The following PLEKHA6 variants were observed in gnomAD, a reference collection of about 807,000 sequenced individuals.
The protein encoded by PLEKHA6 is pleckstrin homology domain containing A6.
PLEKHA6 carries 60 observed loss-of-function variants against 116.7 expected under a neutral mutation model. That is an observed-to-expected ratio of 0.51 (90% CI 0.42 to 0.64). The LOEUF (loss-of-function observed/expected upper bound fraction) is 0.64, where lower values mean the gene tolerates loss of function less well. PLEKHA6 is among the 30% of genes least tolerant of loss of function. The pLI is 0.00. For missense variants in PLEKHA6, 1,338 were observed against 1,422.7 expected, an observed-to-expected ratio of 0.94 and a Z score of 0.96; for synonymous variants, 489 against 556.1, an observed-to-expected ratio of 0.88 and a Z score of 1.70.
intron 1 of PLEKHA6, among the ~76,000 whole-genome samples, chr1:204,291,607 A>T (rs1669760884): frequency 6.6e-6 from 1 of 152,272 alleles, no homozygotes; most frequent in Admixed American, 6.5e-5. Context: ...GAAATGAATT[A>T]TTGAAATATG....
At position 204,228,990 on chromosome 1, in the gene PLEKHA6, GC is replaced by G; in HGVS notation, c.2697del (p.Leu900PhefsTer6). On this transcript the variant is annotated frameshift_variant, in exon 19 of 23. Coordinates refer to ENST00000272203, the MANE Select transcript of PLEKHA6 (RefSeq NM_014935.5). LOFTEE classifies it high-confidence loss of function. The surrounding 1 kb of genome is among the most constrained non-coding windows in gnomAD (Gnocchi z 4.0). The part of the protein sequence containing the change: ...AYETPREEIA[R>X]LRKMELEPQH... ...TGGGGCTCTAGCTCCATTTTGCGAA[GC>G]CGGGCAATTTCCTCCCGGGGTGTCT... The G allele has an allele frequency of 6.2e-7, 1 of 1,614,172 alleles. No individual in the cohort carries two copies. Among genetic ancestry groups the G allele is most frequent in the Non-Finnish European group, 8.5e-7 (1 of 1,180,030 alleles).
At chr1:204,346,471 G>A (rs1028141830) in intron 1 of PLEKHA6, among the ~76,000 whole-genome samples, 1 of 152,142 alleles carries the variant, frequency 6.6e-6, no homozygotes, top group Non-Finnish European at 1.5e-5. Context: ...CACAGGGGAA[G>A]CCATGACAAA....
intron 6 of PLEKHA6, among the ~76,000 whole-genome samples, chr1:204,264,314 G>T (rs1035459558): frequency 1.3e-5 from 2 of 152,122 alleles, no homozygotes; most frequent in Non-Finnish European, 2.9e-5. Context: ...CATCTTTAAC[G>T]GGTGGCTCCC....
chr1:204,365,777 C>T (rs1277015853), intron 3 of PLEKHA6, among the ~76,000 whole-genome samples: 2 of 152,156 alleles, frequency 1.3e-5, no homozygotes, highest in African/African-American at 4.8e-5. Context: ...AGGACTTACA[C>T]AGCAGTGGGG....
intron 2 of PLEKHA6, among the ~76,000 whole-genome samples, chr1:204,274,234 T>C (rs1195934801): frequency 6.6e-6 from 1 of 152,184 alleles, no homozygotes; most frequent in Non-Finnish European, 1.5e-5. Flanking sequence ...TTCCCAGCCC[T>C]GGACATTTAT....
rs1664197189 is a variant in PLEKHA6, at chr1:204,249,171, C to T, written c.1674+13G>A. Reference sequence around the variant, plus strand: ...CCATCTGCCCCAGCTTAAAGCCACCCCCAGCTTCTCACCTTCTCAGCTCGG... The same window carrying T: ...CCATCTGCCCCAGCTTAAAGCCACCTCCAGCTTCTCACCTTCTCAGCTCGG... On this transcript the variant is annotated intron_variant, in intron 11 of 22. Coordinates refer to ENST00000272203, the MANE Select transcript of PLEKHA6 (RefSeq NM_014935.5). 7.5e-6 allele frequency: 12 copies of T among 1,607,508 alleles called. No homozygotes were observed. Among genetic ancestry groups the T allele is most frequent in the African/African-American group, 1.3e-5 (1 of 74,774 alleles).
intron 17 of PLEKHA6, among the ~76,000 whole-genome samples, chr1:204,239,236 G>A (rs1339742036): frequency 1.3e-5 from 2 of 152,192 alleles, no homozygotes; most frequent in African/African-American, 4.8e-5. Flanking sequence ...GGCAGGGATG[G>A]GGGTTACACA....
chr1:204,289,549 C>A (rs1669538869), intron 1 of PLEKHA6, among the ~76,000 whole-genome samples: 1 of 152,208 alleles, frequency 6.6e-6, no homozygotes, highest in Non-Finnish European at 1.5e-5. Flanking sequence ...GGGTGGCTGG[C>A]TGGCCGGGTT....
chr1:204,276,222 G>A (rs1667989098), intron 1 of PLEKHA6, among the ~76,000 whole-genome samples: 1 of 152,154 alleles, frequency 6.6e-6, no homozygotes, highest in African/African-American at 2.4e-5. Context: ...CAGTCTATGT[G>A]GAAATCTGGG....
chr1:204,251,466 C>A, intron 9 of PLEKHA6: 1 of 687,692 alleles, frequency 1.5e-6, no homozygotes, highest in Non-Finnish European at 2.7e-6. Context: ...AGATGGGCAA[C>A]TCGACCATGC....
In PLEKHA6 at chr1:204,315,609, G is replaced by A. The variant is rs182077347; in HGVS notation, c.-94-40800C>T. 1.1e-3 allele frequency among the ~76,000 whole-genome samples: 174 copies of A among 152,264 alleles called. 2 individuals are homozygous for A. The highest frequency in any genetic ancestry group is 4.0e-3 in the African/African-American group (166 of 41,548). On this transcript the variant is annotated intron_variant, in intron 1 of 22. Transcript: ENST00000272203. ...CAGCCCACAGAAAACCCCCTCCGCC[G>A]TGAAGTTGTAGGCATATGTTAGCCA...
intron 1 of PLEKHA6, among the ~76,000 whole-genome samples, chr1:204,312,683 C>T (rs537153703): frequency 6.6e-6 from 1 of 152,242 alleles, no homozygotes; most frequent in South Asian, 2.1e-4. Context: ...CCCAACAATC[C>T]CAGTTCCACA....
chr1:204,290,374 T>C (rs1669619417), intron 1 of PLEKHA6, among the ~76,000 whole-genome samples: 1 of 152,176 alleles, frequency 6.6e-6, no homozygotes, highest in Admixed American at 6.5e-5. Context: ...CAGAAATAAA[T>C]CCACACATTT....
intron 18 of PLEKHA6, 113 bp from the exon 19 acceptor site, chr1:204,229,217 CACTGCT>C: frequency 1.0e-6 from 1 of 990,048 alleles, no homozygotes; most frequent in Non-Finnish European, 1.5e-6. Flanking sequence ...GCTGCCACCC[CACTGCT>C]CCCACCATAC....
intron 1 of PLEKHA6, among the ~76,000 whole-genome samples, chr1:204,275,351 C>T (rs533562989): frequency 7.2e-5 from 11 of 152,336 alleles, no homozygotes; most frequent in African/African-American, 2.4e-4. Context: ...GACCCACCCA[C>T]ACCCTAAGTC....
rs79904611 is a variant in PLEKHA6, at chr1:204,356,679, A to G, written c.-95+3015T>C. Among the ~76,000 whole-genome samples, 4 of 152,244 alleles carry G rather than the reference A, an allele frequency of 2.6e-5. No individual in the cohort carries two copies. The East Asian group carries it at 7.7e-4, about 29-fold the overall frequency. On this transcript the variant is annotated intron_variant, in intron 1 of 22. Transcript: ENST00000272203. ...TAATACACATCTGGGCCAAAATTTT[A>G]ATGATATATATGTATTGTGATAATC... is the stretch of plus-strand genomic sequence containing the variant.
chr1:204,335,375 T>C (rs1049070714), intron 1 of PLEKHA6, among the ~76,000 whole-genome samples: 4 of 152,092 alleles, frequency 2.6e-5, no homozygotes, highest in East Asian at 1.9e-4. Context: ...GCTGGCTCCC[T>C]TGGACCAAGT....
intron 9 of PLEKHA6, among the ~76,000 whole-genome samples, chr1:204,251,989 T>A (rs1021578052): frequency 2.9e-4 from 44 of 152,076 alleles, no homozygotes; most frequent in Admixed American, 2.1e-3. Context: ...GTTGGAAGAC[T>A]GATCTCCCCA....
chr1:204,231,464 C>T (rs1661170046), intron 17 of PLEKHA6, among the ~76,000 whole-genome samples: 1 of 152,146 alleles, frequency 6.6e-6, no homozygotes, highest in Non-Finnish European at 1.5e-5. Flanking sequence ...TACACATATC[C>T]TCCAGTATAC....
Sources: gnomAD v4.1 joint callset for allele counts (sites outside exome capture counted in the v4.1 genomes callset) on GRCh38, gnomAD v4.1.1 for gene constraint, Gnocchi (gnomAD v3.1) non-coding constraint, MANE v1.5 for transcripts, NCBI Gene and HGNC (gene_info 2026-07-23, HGNC 2026-07-21) for gene names.